Variants in CCDC50 observed in about 807,000 individuals in gnomAD.
CCDC50 encodes coiled-coil domain-containing protein 50.
A neutral mutation model predicts 70.2 loss-of-function variants in CCDC50; 54 were observed. The ratio of observed to expected loss-of-function variants is 0.77; its 90% CI spans 0.62 to 0.96. The LOEUF (loss-of-function observed/expected upper bound fraction) is 0.96, where lower values mean the gene tolerates loss of function less well. CCDC50 is among the 50% of genes least tolerant of loss of function. The pLI is 0.00. For synonymous variants in CCDC50, 216 were observed against 198.8 expected, an observed-to-expected ratio of 1.09 and a Z score of -0.73; for missense variants, 558 against 578.7, an observed-to-expected ratio of 0.96 and a Z score of 0.37.
intron 9 of CCDC50, among the ~76,000 whole-genome samples, chr3:191,381,647 G>T (rs936467462): frequency 7.2e-5 from 11 of 152,156 alleles, no homozygotes; most frequent in African/African-American, 2.7e-4. Flanking sequence ...TAGAGAGGAA[G>T]ACAAAGTGTA....
chr3:191,332,408 A>C (rs1718021446), intron 1 of CCDC50, among the ~76,000 whole-genome samples: 1 of 152,232 alleles, frequency 6.6e-6, no homozygotes, highest in African/African-American at 2.4e-5. Flanking sequence ...AAGTCAACTA[A>C]GTGTCAACAC....
At chr3:191,348,055 A>G (rs1478030785) in intron 1 of CCDC50, among the ~76,000 whole-genome samples, 2 of 142,384 alleles carry the variant, frequency 1.4e-5, no homozygotes, top group South Asian at 2.2e-4. Flanking sequence ...TTTTAATGAT[A>G]TAATTAGTGC....
At chr3:191,371,343 G>A (rs1195021153) in intron 5 of CCDC50, among the ~76,000 whole-genome samples, 4 of 152,022 alleles carry the variant, frequency 2.6e-5, no homozygotes, top group Non-Finnish European at 4.4e-5. Context: ...AAGTGTTGTC[G>A]AGTCCTTCTC....
intron 6 of CCDC50, among the ~76,000 whole-genome samples, chr3:191,376,152 G>T (rs1713106407): frequency 6.6e-6 from 1 of 152,186 alleles, no homozygotes; most frequent in Admixed American, 6.5e-5. Context: ...CAATGGAAAT[G>T]TCTGGGTTTC....
At chr3:191,345,834 G>A (rs893873838) in intron 1 of CCDC50, among the ~76,000 whole-genome samples, 31 of 152,184 alleles carry the variant, frequency 2.0e-4, no homozygotes, top group African/African-American at 7.2e-4. Flanking sequence ...ATTCTTCGCA[G>A]TGTGTTTGTT....
intron 10 of CCDC50, among the ~76,000 whole-genome samples, chr3:191,385,743 A>T (rs1713471190): frequency 6.6e-6 from 1 of 152,022 alleles, no homozygotes; most frequent in Non-Finnish European, 1.5e-5. Flanking sequence ...TGTTGAGAAT[A>T]GTCTTTCCTA....
At chr3:191,330,522 C>T (rs1717944628) in intron 1 of CCDC50, 1 of 152,144 alleles carries the variant, frequency 6.6e-6, no homozygotes, top group Non-Finnish European at 1.5e-5. Context: ...GCTGGATCGC[C>T]TTATGCCTTG....
intron 3 of CCDC50, 109 bp downstream of exon 3, chr3:191,358,233 C>G: frequency 7.4e-7 from 1 of 1,356,862 alleles, no homozygotes; most frequent in Middle Eastern, 2.4e-4. Flanking sequence ...ATTCCTTCTA[C>G]TGTTAGATTA....
In CCDC50 at chr3:191,397,778, A is replaced by T. The variant is rs1043724308; in HGVS notation, c.*6018A>T. ...ATATTTATAAAACAAATGGATTGTT[A>T]TTCCAAATCCACATGGATTTATAAC... On this transcript the variant is annotated 3_prime_UTR_variant, in exon 12 of 12. Coordinates refer to ENST00000392455, the MANE Select transcript of CCDC50 (RefSeq NM_178335.3). 2 of 152,238 alleles carry T rather than the reference A, an allele frequency of 1.3e-5. No homozygotes were observed. The highest frequency in any genetic ancestry group is 4.8e-5 in the African/African-American group (2 of 41,448). The allele number at this position is 152,238 out of a possible 1,614,324, so 9.4% of individuals were successfully genotyped here. A position where few individuals can be genotyped will look rare whatever the true frequency, so the allele number is the denominator to read the frequency against.
At chr3:191,380,303 A>T (rs536264167) in intron 7 of CCDC50, 29 bp downstream of exon 7, 8 of 1,359,514 alleles carry the variant, frequency 5.9e-6, no homozygotes, top group African/African-American at 1.4e-5. Flanking sequence ...AAAAGTTTAG[A>T]TATATTGATG....
intron 1 of CCDC50, 105 bp downstream of exon 1, chr3:191,329,828 T>G (rs1257686853): frequency 2.6e-6 from 3 of 1,144,354 alleles, no homozygotes; most frequent in African/African-American, 3.2e-5. Context: ...CCTCGCCCGG[T>G]GCCCGCCCTG....
At chr3:191,379,711 G>GT (rs537614129) in intron 6 of CCDC50, among the ~76,000 whole-genome samples, 8 of 152,254 alleles carry the variant, frequency 5.3e-5, no homozygotes, top group South Asian at 2.1e-4. Flanking sequence ...CTCGGAAGTA[G>GT]TAAGTATGCA....
At position 191,398,289 on chromosome 3, in the gene CCDC50, A is replaced by G. The variant is rs1474115110; in HGVS notation, c.*6529A>G. On this transcript the variant is annotated 3_prime_UTR_variant, in exon 12 of 12. Coordinates refer to ENST00000392455, the MANE Select transcript of CCDC50 (RefSeq NM_178335.3). Reference sequence around the variant, plus strand: ...ATATTTCTCATTAGGTTCTTTAAACATCAGGTTTAATATTGATATTATGAA... The same window carrying G: ...ATATTTCTCATTAGGTTCTTTAAACGTCAGGTTTAATATTGATATTATGAA... The G allele has an allele frequency of 6.6e-6, 1 of 152,230 alleles. No homozygotes were observed. Among genetic ancestry groups the G allele is most frequent in the African/African-American group, 2.4e-5 (1 of 41,448 alleles). The allele number at this position is 152,230 out of a possible 1,614,324, so 9.4% of individuals were successfully genotyped here. A position where few individuals can be genotyped will look rare whatever the true frequency, so the allele number is the denominator to read the frequency against.
rs1256316274 is a variant in CCDC50, at chr3:191,398,090, A to G, written c.*6330A>G. 3 of 152,200 alleles carry G rather than the reference A, an allele frequency of 2.0e-5. No individual in the cohort carries two copies. The highest frequency in any genetic ancestry group is 4.8e-5 in the African/African-American group (2 of 41,430). 9.4% of individuals were successfully genotyped at this position (152,200 alleles called of 1,614,324 possible). On this transcript the variant is annotated 3_prime_UTR_variant, in exon 12 of 12. Coordinates refer to ENST00000392455, the MANE Select transcript of CCDC50 (RefSeq NM_178335.3). ...ACAAGTTGTTCCTGCTCATGACCTCATTGAGGAAAATGAGAATTGTGGTGC... is the reference window on the plus strand; with the variant it reads ...ACAAGTTGTTCCTGCTCATGACCTCGTTGAGGAAAATGAGAATTGTGGTGC...
At chr3:191,356,937 G>GT in intron 1 of CCDC50, 151 bp from the exon 2 acceptor site, 1 of 683,744 alleles carries the variant, frequency 1.5e-6, no homozygotes, top group Non-Finnish European at 2.6e-6. Flanking sequence ...TACTTAACTA[G>GT]TCACTATTTT....
intron 1 of CCDC50, among the ~76,000 whole-genome samples, chr3:191,341,644 G>A (rs1021724201): frequency 2.0e-5 from 3 of 152,250 alleles, no homozygotes; most frequent in Non-Finnish European, 1.5e-5. Flanking sequence ...GCTGTTTTCA[G>A]CCTTTGTTGG....
At chr3:191,372,913 T>A (rs1712962536) in intron 5 of CCDC50, among the ~76,000 whole-genome samples, 3 of 152,134 alleles carry the variant, frequency 2.0e-5, no homozygotes, top group Non-Finnish European at 1.5e-5. Flanking sequence ...ATTATAAAAG[T>A]AAATCCTTCA....
intron 10 of CCDC50, among the ~76,000 whole-genome samples, chr3:191,384,388 T>C: frequency 6.6e-6 from 1 of 152,180 alleles, no homozygotes; most frequent in East Asian, 1.9e-4. Context: ...ACAACTAATA[T>C]CAGAATGTAT....
chr3:191,373,306 A>G (rs1299996843), intron 5 of CCDC50, among the ~76,000 whole-genome samples: 1 of 152,150 alleles, frequency 6.6e-6, no homozygotes, highest in Non-Finnish European at 1.5e-5. Flanking sequence ...ATTATTAGAG[A>G]ATAAACTTTT....
Sources: allele counts gnomAD v4.1 joint callset (sites outside exome capture counted in the v4.1 genomes callset), GRCh38; gene constraint gnomAD v4.1.1; transcripts MANE v1.5; gene names NCBI Gene and HGNC (gene_info 2026-07-23, HGNC 2026-07-21).